DAB1: variants seen among roughly 807,000 people sequenced by gnomAD.
The protein encoded by DAB1 is disabled homolog 1.
DAB1 carries 15 observed loss-of-function variants against 64.6 expected under a neutral mutation model. The ratio of observed to expected loss-of-function variants is 0.23; its 90% CI spans 0.16 to 0.36. The LOEUF (loss-of-function observed/expected upper bound fraction) is 0.36, where lower values mean the gene tolerates loss of function less well. Ranked by LOEUF, DAB1 falls within the 10% of genes least tolerant of loss-of-function variation. The pLI is 1.00. For synonymous variants in DAB1, 235 were observed against 251.9 expected (o/e 0.93, Z 0.64); for missense variants, 596 against 706.7 (o/e 0.84, Z 1.78).
intron 1 of DAB1, among the ~76,000 whole-genome samples, chr1:57,323,629 A>T (rs1268700700): frequency 6.6e-6 from 1 of 152,172 alleles, no homozygotes; most frequent in East Asian, 1.9e-4. Flanking sequence ...GATCAAACTC[A>T]GCTATGTTGT....
chr1:57,350,427 CA>C, intron 1 of DAB1, among the ~76,000 whole-genome samples: 1 of 152,246 alleles, frequency 6.6e-6, no homozygotes, highest in South Asian at 2.1e-4. Context: ...TGTGTAGTAA[CA>C]AACCATATGC....
At chr1:57,630,609 A>AC (rs1645978073) in intron 7 of DAB1, among the ~76,000 whole-genome samples, 1 of 152,134 alleles carries the variant, frequency 6.6e-6, no homozygotes, top group African/African-American at 2.4e-5. Context: ...TAGCCACATG[A>AC]CCCCAAGCTA....
At chr1:57,812,690 A>G (rs1431347217) in intron 6 of DAB1, among the ~76,000 whole-genome samples, 1 of 152,246 alleles carries the variant, frequency 6.6e-6, no homozygotes, top group African/African-American at 2.4e-5. Context: ...AGTAAATGGC[A>G]TTGTTAAATG....
chr1:58,383,081 T>TAGTAGTTTCACTATACACAA (rs576570477), intron 3 of DAB1, among the ~76,000 whole-genome samples: 13,939 of 151,820 alleles, frequency 0.092, 668 homozygotes, highest in Middle Eastern at 0.13. Context: ...AATGAGCCAG[T>TAGTAGTTTCACTATACACAA]AGTATTTTCA....
intron 3 of DAB1, among the ~76,000 whole-genome samples, chr1:58,449,088 TCC>T (rs1645103777): frequency 6.6e-6 from 1 of 152,180 alleles, no homozygotes; most frequent in Non-Finnish European, 1.5e-5. Flanking sequence ...CTTGGATACA[TCC>T]ACGCGTGCAT....
At chr1:57,599,291 A>G (rs1281698715) in intron 7 of DAB1, among the ~76,000 whole-genome samples, 1 of 151,922 alleles carries the variant, frequency 6.6e-6, no homozygotes, top group Admixed American at 6.6e-5. Flanking sequence ...TACTAAAAAC[A>G]TATTTCCTTA....
At chr1:57,887,886 G>C (rs1644249489), upstream of DAB1, among the ~76,000 whole-genome samples, 1 of 152,082 alleles carries the variant, frequency 6.6e-6, no homozygotes, top group Non-Finnish European at 1.5e-5. Flanking sequence ...TAACTTCATA[G>C]GGAAAAAAAT....
chr1:57,192,651 T>C (rs2100215061), intron 2 of DAB1, among the ~76,000 whole-genome samples: 1 of 152,330 alleles, frequency 6.6e-6, no homozygotes, highest in African/African-American at 2.4e-5. Context: ...GTTCTCTACC[T>C]GCACCATGGC....
At chr1:57,057,479 T>C (rs1446520012) in intron 9 of DAB1, among the ~76,000 whole-genome samples, 1 of 152,230 alleles carries the variant, frequency 6.6e-6, no homozygotes, top group African/African-American at 2.4e-5. Flanking sequence ...GATACACTCT[T>C]AAAATCCAAA....
chr1:57,298,785 C>T (rs968301581), intron 1 of DAB1, among the ~76,000 whole-genome samples: 1 of 152,146 alleles, frequency 6.6e-6, no homozygotes, highest in Non-Finnish European at 1.5e-5. Context: ...AAGAATAAGA[C>T]ATCAAAAACA....
intron 1 of DAB1, among the ~76,000 whole-genome samples, chr1:57,827,323 AAGTTAATAACACATGTT>A (rs1652394795): frequency 6.6e-6 from 1 of 152,220 alleles, no homozygotes; most frequent in South Asian, 2.1e-4. Context: ...AGGAAGAAAG[AAGTTAATAACACATGTT>A]AGTATCTGTG....
intron 1 of DAB1, among the ~76,000 whole-genome samples, chr1:57,419,371 G>A (rs1050051738): frequency 2.6e-5 from 4 of 151,734 alleles, no homozygotes; most frequent in Non-Finnish European, 2.9e-5. Context: ...TTCAATCAAA[G>A]TCATTTTACT....
intron 7 of DAB1, among the ~76,000 whole-genome samples, chr1:57,631,584 CTGA>C (rs1458066226): frequency 3.9e-5 from 6 of 152,154 alleles, no homozygotes; most frequent in African/African-American, 1.2e-4. Flanking sequence ...TAAAATGTCC[CTGA>C]TGTTTATAGT....
chr1:57,126,955 T>A lies in DAB1; in HGVS notation c.306+9588A>T, dbSNP rs139940330. Among the ~76,000 whole-genome samples the A allele has an allele frequency of 7.9e-5, 12 of 152,314 alleles. No individual in the cohort carries two copies. In the East Asian group the frequency reaches 2.3e-3, roughly 29 times the overall value. On this transcript the variant is annotated intron_variant, in intron 4 of 14. Transcript: ENST00000371236. The stretch of plus-strand genomic sequence containing the variant: ...TGCTTTCTATGACACCACGTTCCTT[T>A]ACTGTAACCAGAACTATGATTGCTT...
At chr1:58,337,569 G>A (rs12757936) in intron 4 of DAB1, among the ~76,000 whole-genome samples, 14,016 of 152,146 alleles carry the variant, frequency 0.092, 827 homozygotes, top group Non-Finnish European at 0.13. Flanking sequence ...GTGACCTTGG[G>A]TAAACTACTT....
intron 6 of DAB1, among the ~76,000 whole-genome samples, chr1:57,742,593 G>C (rs1190742413): frequency 1.3e-5 from 2 of 152,130 alleles, no homozygotes. Flanking sequence ...TGGGCCTACA[G>C]ACGGGAAATT....
chr1:58,055,780 CTGCAACCTCTG>C, intron 5 of DAB1, among the ~76,000 whole-genome samples: 1 of 66,916 alleles, frequency 1.5e-5, no homozygotes, highest in South Asian at 4.3e-4. Context: ...TCTCGGCTCA[CTGCAACCTCTG>C]TCACTGCAAC....
chr1:57,251,757 A>G (rs1669360382), intron 2 of DAB1, among the ~76,000 whole-genome samples: 2 of 152,202 alleles, frequency 1.3e-5, no homozygotes, highest in East Asian at 1.9e-4. Context: ...CTTTTTCACC[A>G]AACAAAACCT....
At chr1:58,535,212 T>C (rs1355320113) in intron 1 of DAB1, among the ~76,000 whole-genome samples, 1 of 152,184 alleles carries the variant, frequency 6.6e-6, no homozygotes, top group African/African-American at 2.4e-5. Flanking sequence ...TTTCTGAAGT[T>C]ATATTCATGA....
Sources: allele counts gnomAD v4.1 joint callset (sites outside exome capture counted in the v4.1 genomes callset), GRCh38; gene constraint gnomAD v4.1.1; transcripts MANE v1.5; gene names NCBI Gene and HGNC (gene_info 2026-07-23, HGNC 2026-07-21).